Variants in PIK3IP1 observed in about 807,000 individuals in gnomAD.
The protein encoded by PIK3IP1 is phosphoinositide-3-kinase interacting protein 1, also known as phosphoinositide-3-kinase-interacting protein 1.
Under a neutral mutation model 30.7 loss-of-function variants are expected in PIK3IP1, and 28 were observed. The ratio of observed to expected loss-of-function variants is 0.91; its 90% CI spans 0.68 to 1.25. The LOEUF (loss-of-function observed/expected upper bound fraction) is 1.25. Among genes scored for constraint, PIK3IP1 ranks in the 50% most tolerant of loss-of-function variants. The probability of loss-of-function intolerance (pLI) is 0.00; values close to 1 mark genes in which losing one functional copy is unlikely to be tolerated. For missense variants in PIK3IP1, 333 were observed against 346.2 expected, an observed-to-expected ratio of 0.96 and a Z score of 0.30; for synonymous variants, 159 against 140.8, an observed-to-expected ratio of 1.13 and a Z score of -0.91.
chr22:31,285,150 T>G (rs1363789175), intron 5 of PIK3IP1, among the ~76,000 whole-genome samples: 3 of 152,160 alleles, frequency 2.0e-5, no homozygotes, highest in Non-Finnish European at 4.4e-5. Context: ...CTTCAATTAT[T>G]ACTCTGAGCC....
At position 31,292,345 on chromosome 22, in the gene PIK3IP1, C is replaced by T. The variant is rs2049187337; in HGVS notation, c.-1G>A. 1 of 1,614,068 alleles carries T rather than the reference C, an allele frequency of 6.2e-7. No homozygotes were observed. The stretch of plus-strand genomic sequence containing the variant: ...ATGCTTGTACCCAGGCCAACAGCAT[C>T]CTTGCCTCCTTCGTCTTGCAGGTGA... On this transcript the variant is annotated 5_prime_UTR_variant, in exon 1 of 6. Coordinates refer to ENST00000215912, the MANE Select transcript of PIK3IP1 (RefSeq NM_052880.5).
chr22:31,290,914 C>T lies in PIK3IP1; in HGVS notation c.307+51G>A, dbSNP rs775567949. On this transcript the variant is annotated intron_variant, in intron 3 of 5. Transcript: ENST00000215912. ...GCACGTGCGCCACGAGTGTCTCAGCCGCTTCCTGTCAGCGCCAGGAGCGGG... is the reference window on the plus strand; with the variant it reads ...GCACGTGCGCCACGAGTGTCTCAGCTGCTTCCTGTCAGCGCCAGGAGCGGG... 1.8e-5 allele frequency: 27 copies of T among 1,523,178 alleles called. No individual in the cohort carries two copies. In the Admixed American group the frequency reaches 5.7e-4, roughly 32 times the overall value. 94.4% of individuals were successfully genotyped at this position (1,523,178 alleles called of 1,614,324 possible). A position where few individuals can be genotyped will look rare whatever the true frequency, so the allele number is the denominator to read the frequency against.
chr22:31,283,794 C>T (rs1360408039), intron 5 of PIK3IP1, among the ~76,000 whole-genome samples: 1 of 152,114 alleles, frequency 6.6e-6, no homozygotes, highest in African/African-American at 2.4e-5. Flanking sequence ...ACTATCTGAA[C>T]TTCGGACCTA....
Position 31,291,102 on chromosome 22 carries a change from G to A in PIK3IP1, c.188-18C>T, listed in dbSNP as rs2049174096. 1 of 1,547,382 alleles carries A rather than the reference G, an allele frequency of 6.5e-7. No individual in the cohort carries two copies. Among genetic ancestry groups the A allele is most frequent in the African/African-American group, 1.4e-5 (1 of 72,370 alleles). ...GCCGGCCCCTAAGAGAGGAGAGAAGGAAATGTGTGCCGGGGCTGGCACCGG... is the reference window on the plus strand; with the variant it reads ...GCCGGCCCCTAAGAGAGGAGAGAAGAAAATGTGTGCCGGGGCTGGCACCGG... On this transcript the variant is annotated intron_variant, in intron 2 of 5. Transcript: ENST00000215912.
chr22:31,289,938 A>G lies in PIK3IP1; in HGVS notation c.308-239T>C, dbSNP rs147089767. 8.1e-4 allele frequency: 410 copies of G among 505,120 alleles called. 2 individuals are homozygous for G. Among genetic ancestry groups the G allele is most frequent in the African/African-American group, 6.5e-3 (338 of 51,810 alleles). The allele number at this position is 505,120 out of a possible 1,614,324, so 31.3% of individuals were successfully genotyped here. On this transcript the variant is annotated intron_variant, in intron 3 of 5. Coordinates refer to ENST00000215912, the MANE Select transcript of PIK3IP1 (RefSeq NM_052880.5). ...GGGAAGGGCTTCTCTCCTACCTCCCACGTCTTTATCTGTCCAAATCCTTGC... is the reference window on the plus strand; with the variant it reads ...GGGAAGGGCTTCTCTCCTACCTCCCGCGTCTTTATCTGTCCAAATCCTTGC...
chr22:31,287,040 A>G (rs1196531831), intron 5 of PIK3IP1, among the ~76,000 whole-genome samples: 1 of 54,614 alleles, frequency 1.8e-5, no homozygotes, highest in Non-Finnish European at 4.1e-5. Flanking sequence ...TTTTTTTTTG[A>G]GACAGCATCT....
intron 5 of PIK3IP1, among the ~76,000 whole-genome samples, chr22:31,283,738 T>C (rs2049109305): frequency 6.6e-6 from 1 of 151,332 alleles, no homozygotes; most frequent in Non-Finnish European, 1.5e-5. Context: ...TAGAGACTCT[T>C]AAAGCAAGAC....
At chr22:31,283,737 T>C (rs568332791) in intron 5 of PIK3IP1, among the ~76,000 whole-genome samples, 24 of 152,102 alleles carry the variant, frequency 1.6e-4, no homozygotes, top group African/African-American at 5.5e-4. Flanking sequence ...ATAGAGACTC[T>C]TAAAGCAAGA....
Position 31,291,182 on chromosome 22 carries a change from G to T in PIK3IP1, c.185C>A (p.Ser62Ter), listed in dbSNP as rs1394746011. The part of the protein sequence containing the change: ...AQSGLASAPV[S>*]GAGNHSYCRN... ...GCCGTCCCCCGGAGGACACTTACCC[G>T]ACACGGGGGCCGAGGCCAGCCCGCT... Residue 62 changes from serine to a stop codon, truncating the protein, a stop_gained and splice_region_variant, in exon 2 of 6, where the codon TCG (serine) becomes TAG (stop). Transcript: ENST00000215912. LOFTEE classifies it high-confidence loss of function. 6.5e-7 allele frequency: 1 copy of T among 1,545,996 alleles called. No individual in the cohort carries two copies. The highest frequency in any genetic ancestry group is 8.7e-7 in the Non-Finnish European group (1 of 1,145,078).
At chr22:31,283,420 C>T in intron 5 of PIK3IP1, 132 bp from the exon 6 acceptor site, 2 of 927,900 alleles carry the variant, frequency 2.2e-6, no homozygotes, top group Non-Finnish European at 3.3e-6. Context: ...TGAGCCAGGA[C>T]CCAAACTCAG....
chr22:31,289,263 T>G (rs1405417155), intron 5 of PIK3IP1, 52 bp downstream of exon 5: 1 of 1,586,612 alleles, frequency 6.3e-7, no homozygotes, highest in Admixed American at 1.7e-5. Flanking sequence ...AGTTTGACTT[T>G]GTGTACCTTC....
At chr22:31,284,701 G>A (rs1569010464) in intron 5 of PIK3IP1, among the ~76,000 whole-genome samples, 1 of 152,130 alleles carries the variant, frequency 6.6e-6, no homozygotes, top group Admixed American at 6.5e-5. Flanking sequence ...GGAGTGGAGT[G>A]GTGTTGACTT....
At chr22:31,290,678 AG>A (rs1016672665) in intron 3 of PIK3IP1, 3 of 394,624 alleles carry the variant, frequency 7.6e-6, no homozygotes, top group Non-Finnish European at 9.0e-6. Context: ...ATAAACGCTG[AG>A]GGGCCAAAAG....
chr22:31,289,946 A>G, intron 3 of PIK3IP1: 1 of 463,858 alleles, frequency 2.2e-6, no homozygotes. Context: ...CCACGTCTTT[A>G]TCTGTCCAAA....
chr22:31,292,470 A>T lies in PIK3IP1; in HGVS notation c.-126T>A. ...TGCCCTTGTTATGCTGTTCTGGTAA[A>T]CAGCCTCTCTTTAGAACTGGGAGCT... On this transcript the variant is annotated 5_prime_UTR_variant, in exon 1 of 6. Transcript: ENST00000215912. 1.3e-6 allele frequency: 1 copy of T among 742,110 alleles called. No individual in the cohort carries two copies. Among genetic ancestry groups the T allele is most frequent in the South Asian group, 1.6e-5 (1 of 62,258 alleles). The allele number at this position is 742,110 out of a possible 1,614,324, so 46.0% of individuals were successfully genotyped here.
intron 5 of PIK3IP1, among the ~76,000 whole-genome samples, chr22:31,287,630 A>T (rs1000514021): frequency 6.6e-6 from 1 of 152,008 alleles, no homozygotes; most frequent in Non-Finnish European, 1.5e-5. Flanking sequence ...ACGCCCAGCC[A>T]CACATTTTAT....
In PIK3IP1 at chr22:31,282,789, G is replaced by C. The variant is rs1304874149; in HGVS notation, c.*295C>G. On this transcript the variant is annotated 3_prime_UTR_variant, in exon 6 of 6. Transcript: ENST00000215912. ...GTCTATCCCTGGTTCAGTTCCAGGG[G>C]TGCAGGCAATGTTTGGAAGCCCTTA... 1 of 373,104 alleles carries C rather than the reference G, an allele frequency of 2.7e-6. No individual in the cohort carries two copies. The highest frequency in any genetic ancestry group is 5.0e-6 in the Non-Finnish European group (1 of 199,548). The allele number at this position is 373,104 out of a possible 1,614,324, so 23.1% of individuals were successfully genotyped here.
chr22:31,289,362 G>A lies in PIK3IP1; in HGVS notation c.540C>T (p.Ile180=). 6.2e-7 allele frequency: 1 copy of A among 1,613,344 alleles called. No homozygotes were observed. The highest frequency in any genetic ancestry group is 8.5e-7 in the Non-Finnish European group (1 of 1,179,682). ...GYVLGITMMV[I]IIAIGAGIIL... is the part of the protein sequence containing the mutation. ...TGATGCCAGCTCCGATGGCAATGATGATCACCATCATGGTAATGCCCAGCA... is the reference window on the plus strand; with the variant it reads ...TGATGCCAGCTCCGATGGCAATGATAATCACCATCATGGTAATGCCCAGCA... The change falls in exon 5 of 6, where the codon ATC becomes ATT. Residue 180 remains isoleucine, a synonymous_variant. Coordinates refer to ENST00000215912, the MANE Select transcript of PIK3IP1 (RefSeq NM_052880.5).
At chr22:31,292,222 T>TG (rs1394673286) in intron 1 of PIK3IP1, 53 bp downstream of exon 1, 1 of 1,562,706 alleles carries the variant, frequency 6.4e-7, no homozygotes, top group Non-Finnish European at 8.8e-7. Flanking sequence ...ATAGGGGGCT[T>TG]TACCCCTTCT....
Sources: allele counts gnomAD v4.1 joint callset (sites outside exome capture counted in the v4.1 genomes callset), GRCh38; gene constraint gnomAD v4.1.1; transcripts MANE v1.5; gene names NCBI Gene and HGNC (gene_info 2026-07-23, HGNC 2026-07-21).